EPB41L5: variants seen among roughly 807,000 people sequenced by gnomAD.
The protein encoded by EPB41L5 is erythrocyte membrane protein band 4.1 like 5, also known as band 4.1-like protein 5.
A neutral mutation model predicts 106.6 loss-of-function variants in EPB41L5; 55 were observed. The observed-to-expected ratio is 0.52, with a 90% CI of 0.42 to 0.65. The LOEUF (loss-of-function observed/expected upper bound fraction) is 0.65, where lower values mean the gene tolerates loss of function less well. Ranked by LOEUF, EPB41L5 falls within the 30% of genes least tolerant of loss-of-function variation. The probability of loss-of-function intolerance (pLI) is 0.00; values close to 1 mark genes in which losing one functional copy is unlikely to be tolerated. For synonymous variants in EPB41L5, 297 were observed against 306.7 expected, an observed-to-expected ratio of 0.97 and a Z score of 0.33; for missense variants, 871 against 882.1, an observed-to-expected ratio of 0.99 and a Z score of 0.16.
intron 16 of EPB41L5, chr2:120,106,386 G>C: frequency 1.0e-6 from 1 of 985,084 alleles, no homozygotes; most frequent in African/African-American, 1.7e-5. Context: ...ATATTTGCAA[G>C]ATGGATATAT....
chr2:120,047,608 C>G (rs1452251523), intron 3 of EPB41L5, among the ~76,000 whole-genome samples: 2 of 152,108 alleles, frequency 1.3e-5, no homozygotes, highest in African/African-American at 4.8e-5. Context: ...CATCTGCAAA[C>G]AGGGACAATT....
At chr2:120,125,162 C>T (rs950991635) in intron 16 of EPB41L5, among the ~76,000 whole-genome samples, 2 of 151,964 alleles carry the variant, frequency 1.3e-5, no homozygotes, top group Admixed American at 6.5e-5. Context: ...CTTTTTTCTC[C>T]CACCATCAAA....
chr2:120,093,177 T>C (rs922812911), intron 13 of EPB41L5, 72 bp from the exon 14 acceptor site: 15 of 1,223,084 alleles, frequency 1.2e-5, no homozygotes, highest in African/African-American at 3.0e-5. Context: ...AGTTAAAGTT[T>C]TGCTTTGAAT....
chr2:120,081,409 G>A (rs1351599559), intron 10 of EPB41L5, among the ~76,000 whole-genome samples: 4 of 152,032 alleles, frequency 2.6e-5, no homozygotes, highest in South Asian at 2.1e-4. Flanking sequence ...GTCAAAGATT[G>A]GATGGTTGTA....
At chr2:120,152,338 T>A (rs1361812824) in intron 20 of EPB41L5, among the ~76,000 whole-genome samples, 1 of 152,246 alleles carries the variant, frequency 6.6e-6, no homozygotes. Flanking sequence ...GAACCACTCT[T>A]GTGAACTTCT....
intron 20 of EPB41L5, among the ~76,000 whole-genome samples, chr2:120,151,999 A>G (rs955682778): frequency 2.6e-5 from 4 of 152,128 alleles, no homozygotes; most frequent in African/African-American, 9.7e-5. Context: ...CCTTATTTCC[A>G]GTTGGGAAGT....
intron 16 of EPB41L5, among the ~76,000 whole-genome samples, chr2:120,119,243 T>C (rs1024821866): frequency 1.3e-5 from 2 of 152,112 alleles, no homozygotes; most frequent in South Asian, 2.1e-4. Flanking sequence ...CAGATAGATA[T>C]ATTGCAAAAA....
intron 1 of EPB41L5, among the ~76,000 whole-genome samples, chr2:120,015,467 A>G (rs2105104921): frequency 6.6e-6 from 1 of 151,736 alleles, no homozygotes; most frequent in African/African-American, 2.4e-5. Context: ...TCTTGTTGTG[A>G]CTTCTGACAT....
At chr2:120,167,445 A>G in intron 22 of EPB41L5, 21 bp from the exon 23 acceptor site, 1 of 1,603,734 alleles carries the variant, frequency 6.2e-7, no homozygotes, top group African/African-American at 1.3e-5. Flanking sequence ...AAGTAAATAC[A>G]TACATATAAA....
chr2:120,060,694 T>C (rs907079149), intron 3 of EPB41L5, among the ~76,000 whole-genome samples: 2 of 152,184 alleles, frequency 1.3e-5, no homozygotes, highest in African/African-American at 4.8e-5. Context: ...ATCTTGATTG[T>C]GGTATTAGGA....
intron 15 of EPB41L5, among the ~76,000 whole-genome samples, 190 bp downstream of exon 15, chr2:120,100,476 C>T (rs1304389956): frequency 6.6e-6 from 1 of 152,130 alleles, no homozygotes; most frequent in African/African-American, 2.4e-5. Context: ...GTAAAGGAAA[C>T]CGGTGCTCTA....
At chr2:120,096,258 G>A (rs181409547) in intron 14 of EPB41L5, among the ~76,000 whole-genome samples, 7 of 151,946 alleles carry the variant, frequency 4.6e-5, no homozygotes, top group African/African-American at 7.2e-5. Flanking sequence ...AAGCCAGTCC[G>A]TGATTAGTGA....
intron 16 of EPB41L5, among the ~76,000 whole-genome samples, chr2:120,113,162 G>T (rs190872453): frequency 1.1e-4 from 17 of 152,332 alleles, no homozygotes; most frequent in East Asian, 5.8e-4. Context: ...GAGGATATCA[G>T]TGACACTGTT....
rs775479891 is a variant in EPB41L5, at chr2:120,019,142, A to G, written c.58A>G (p.Lys20Glu). 4.3e-6 allele frequency: 7 copies of G among 1,613,946 alleles called. No homozygotes were observed. Among genetic ancestry groups the G allele is most frequent in the Non-Finnish European group, 5.9e-6 (7 of 1,180,016 alleles). The change falls in exon 2 of 25, where the codon AAG (lysine) becomes GAG (glutamate). Residue 20 changes from lysine to glutamate, a missense_variant. Physicochemically the swap from Lys to Glu is moderately conservative, Grantham distance 56 (BLOSUM62 1). Coordinates refer to ENST00000263713, the MANE Select transcript of EPB41L5 (RefSeq NM_020909.4). ...GRRSMRKHAEKERLREAQRAA... is the reference protein window; with the variant it reads ...GRRSMRKHAEEERLREAQRAA... ...TCGGTCTATGCGTAAACATGCAGAG[A>G]AGGAACGACTCCGAGAAGCACAACG... is the stretch of plus-strand genomic sequence containing the variant.
At chr2:120,160,997 AAATTTTTGCCAAAGACAGTTTTG>A (rs1330211287) in intron 21 of EPB41L5, 23 bp downstream of exon 21, 1 of 1,593,822 alleles carries the variant, frequency 6.3e-7, no homozygotes, top group Admixed American at 1.7e-5. Flanking sequence ...TTACTTCTTA[AAATTTTTGCCAAAGACAGTTTTG>A]AATTGAATCT....
intron 3 of EPB41L5, among the ~76,000 whole-genome samples, chr2:120,055,874 CA>C (rs1010551350): frequency 6.6e-6 from 1 of 152,068 alleles, no homozygotes; most frequent in Non-Finnish European, 1.5e-5. Context: ...ATGTCATCTG[CA>C]AAAAGATGGT....
intron 22 of EPB41L5, 81 bp downstream of exon 22, chr2:120,164,991 T>A: frequency 1.9e-6 from 2 of 1,070,750 alleles, no homozygotes; most frequent in Admixed American, 2.3e-5. Context: ...TTTTTTCCTT[T>A]TTAATAATTC....
chr2:120,161,122 A>G (rs1404773013), intron 21 of EPB41L5, 148 bp downstream of exon 21: 1 of 631,264 alleles, frequency 1.6e-6, no homozygotes, highest in Non-Finnish European at 2.8e-6. Context: ...TCACACCTAT[A>G]ATTCCAGCAC....
chr2:120,017,930 G>C, intron 1 of EPB41L5, among the ~76,000 whole-genome samples: 1 of 151,394 alleles, frequency 6.6e-6, no homozygotes, highest in East Asian at 1.9e-4. Context: ...CCCAGTAGCC[G>C]GGACTACAGG....
Sources: allele counts gnomAD v4.1 joint callset (sites outside exome capture counted in the v4.1 genomes callset), GRCh38; gene constraint gnomAD v4.1.1; transcripts MANE v1.5; gene names NCBI Gene and HGNC (gene_info 2026-07-23, HGNC 2026-07-21).